Variants in FAF1 observed in about 807,000 individuals in gnomAD.
The protein encoded by FAF1 is FAS-associated factor 1.
A neutral mutation model predicts 92.5 loss-of-function variants in FAF1; 25 were observed. The ratio of observed to expected loss-of-function variants is 0.27; its 90% CI spans 0.20 to 0.38. FAF1 has a LOEUF of 0.38. FAF1 is among the 10% of genes least tolerant of loss of function. FAF1 has a pLI of 1.00. For synonymous variants in FAF1, 234 were observed against 273.2 expected, an observed-to-expected ratio of 0.86 and a Z score of 1.42; for missense variants, 636 against 793.3, an observed-to-expected ratio of 0.80 and a Z score of 2.38.
intron 7 of FAF1, among the ~76,000 whole-genome samples, chr1:50,661,733 C>T (rs1403008660): frequency 6.6e-6 from 1 of 152,156 alleles, no homozygotes; most frequent in Non-Finnish European, 1.5e-5. Context: ...ACAAACTAGG[C>T]TTAATTCCAG....
At chr1:50,507,874 A>G (rs1647079651) in intron 15 of FAF1, among the ~76,000 whole-genome samples, 1 of 152,234 alleles carries the variant, frequency 6.6e-6, no homozygotes, top group Non-Finnish European at 1.5e-5. Flanking sequence ...AGGTCATAGG[A>G]CATTCTGATA....
At chr1:50,506,731 C>T (rs905858031) in intron 15 of FAF1, among the ~76,000 whole-genome samples, 9 of 152,066 alleles carry the variant, frequency 5.9e-5, no homozygotes, top group African/African-American at 2.2e-4. Context: ...AATTATTTTA[C>T]ACATTATTAT....
chr1:50,836,817 A>C (rs1235894683), intron 2 of FAF1, among the ~76,000 whole-genome samples: 1 of 152,146 alleles, frequency 6.6e-6, no homozygotes, highest in Non-Finnish European at 1.5e-5. Context: ...GAATAAGGAT[A>C]TTCTCTTTAT....
chr1:50,905,704 C>T (rs1398616548), intron 1 of FAF1, among the ~76,000 whole-genome samples: 1 of 152,176 alleles, frequency 6.6e-6, no homozygotes, highest in Non-Finnish European at 1.5e-5. Flanking sequence ...CTGTTAATAT[C>T]CTTCACCCAC....
At chr1:50,806,714 G>A (rs1174320802) in intron 2 of FAF1, among the ~76,000 whole-genome samples, 3 of 152,214 alleles carry the variant, frequency 2.0e-5, no homozygotes, top group African/African-American at 4.8e-5. Flanking sequence ...AATGCCGGGG[G>A]CCTGGTGTCA....
At chr1:50,674,135 T>C (rs1656015677) in intron 7 of FAF1, among the ~76,000 whole-genome samples, 1 of 152,154 alleles carries the variant, frequency 6.6e-6, no homozygotes, top group South Asian at 2.1e-4. Context: ...GTATTTTTAG[T>C]AGAGACGGGG....
At chr1:50,953,365 C>T (rs1030123084) in intron 1 of FAF1, among the ~76,000 whole-genome samples, 2 of 151,286 alleles carry the variant, frequency 1.3e-5, no homozygotes, top group South Asian at 2.1e-4. Context: ...TCCCCCTCTC[C>T]GAGAAACACC....
intron 8 of FAF1, among the ~76,000 whole-genome samples, chr1:50,598,181 T>C (rs180867352): frequency 6.6e-6 from 1 of 152,120 alleles, no homozygotes; most frequent in Non-Finnish European, 1.5e-5. Flanking sequence ...CTGTAGTCCT[T>C]GCTACTTGGG....
chr1:50,879,256 A>G (rs182033773), intron 1 of FAF1, among the ~76,000 whole-genome samples: 17 of 151,188 alleles, frequency 1.1e-4, no homozygotes, highest in African/African-American at 3.4e-4. Flanking sequence ...AAAAATAAAC[A>G]AATGAATGAA....
At chr1:50,600,809 T>C (rs1424146477) in intron 8 of FAF1, among the ~76,000 whole-genome samples, 1 of 152,188 alleles carries the variant, frequency 6.6e-6, no homozygotes, top group Non-Finnish European at 1.5e-5. Flanking sequence ...AAAAACAGTG[T>C]CACTTTACTT....
intron 13 of FAF1, among the ~76,000 whole-genome samples, chr1:50,554,415 A>AGAGT (rs1443800077): frequency 5.4e-5 from 8 of 148,094 alleles, no homozygotes; most frequent in Non-Finnish European, 9.0e-5. Flanking sequence ...AGAGAGAGAG[A>AGAGT]GTCTTAAATT....
chr1:50,552,769 G>A (rs1649372435), intron 13 of FAF1, among the ~76,000 whole-genome samples: 2 of 152,068 alleles, frequency 1.3e-5, no homozygotes, highest in Non-Finnish European at 2.9e-5. Flanking sequence ...GGGAGGGGAG[G>A]TAGAGAGGGG....
chr1:50,795,453 C>T (rs1390863423), intron 3 of FAF1, among the ~76,000 whole-genome samples: 1 of 152,168 alleles, frequency 6.6e-6, no homozygotes, highest in Non-Finnish European at 1.5e-5. Context: ...CTGGGATCAT[C>T]GTGTATGCCA....
At chr1:50,686,931 C>T (rs1447883359) in intron 7 of FAF1, among the ~76,000 whole-genome samples, 1 of 152,036 alleles carries the variant, frequency 6.6e-6, no homozygotes, top group Non-Finnish European at 1.5e-5. Context: ...CGGGTTCAAG[C>T]GATTCTCATG....
chr1:50,955,452 T>C (rs1486965852), intron 1 of FAF1, among the ~76,000 whole-genome samples: 1 of 152,236 alleles, frequency 6.6e-6, no homozygotes. Flanking sequence ...TGATTTTTGG[T>C]CAAATATTCC....
rs569524862 is a variant in FAF1, at chr1:50,756,520, ACT to A, written c.368-11747_368-11746del. ...TTCATAGCCCTCCAAACTATTCCAA[ACT>A]CTGCGTGTTACCCAGTTCCAAAGTC... On this transcript the variant is annotated intron_variant, in intron 4 of 18. Transcript: ENST00000396153. Among the ~76,000 whole-genome samples the A allele has an allele frequency of 1.8e-4, 27 of 151,984 alleles. 2 individuals are homozygous for A. In the South Asian group the frequency reaches 5.4e-3, roughly 30 times the overall value.
chr1:50,945,170 A>G (rs1028491815), intron 1 of FAF1, among the ~76,000 whole-genome samples: 2 of 152,224 alleles, frequency 1.3e-5, no homozygotes, highest in Admixed American at 1.3e-4. Flanking sequence ...GGCTTGTACG[A>G]TAAAAGGTGC....
chr1:50,936,783 T>C (rs1192592587), intron 1 of FAF1, among the ~76,000 whole-genome samples: 2 of 152,048 alleles, frequency 1.3e-5, no homozygotes, highest in Non-Finnish European at 2.9e-5. Context: ...AGACTCTTCA[T>C]GTACATTAAT....
At chr1:50,760,456 A>C (rs1291115859) in intron 4 of FAF1, among the ~76,000 whole-genome samples, 1 of 152,202 alleles carries the variant, frequency 6.6e-6, no homozygotes, top group Non-Finnish European at 1.5e-5. Flanking sequence ...TCCTCTGCAA[A>C]TGTAAAAGAA....
Sources: gnomAD v4.1 joint callset for allele counts (sites outside exome capture counted in the v4.1 genomes callset) on GRCh38, gnomAD v4.1.1 for gene constraint, MANE v1.5 for transcripts, NCBI Gene and HGNC (gene_info 2026-07-23, HGNC 2026-07-21) for gene names.